Variants in CACNA1E observed in about 807,000 individuals in gnomAD.
CACNA1E encodes the protein calcium voltage-gated channel subunit alpha1 E, also known as voltage-dependent R-type calcium channel subunit alpha-1E.
Under a neutral mutation model 259.2 loss-of-function variants are expected in CACNA1E, and 40 were observed. The ratio of observed to expected loss-of-function variants is 0.15; its 90% CI spans 0.12 to 0.20. The LOEUF (loss-of-function observed/expected upper bound fraction) is 0.20. Among genes scored for constraint, CACNA1E ranks in the 10% least tolerant of loss-of-function variants. CACNA1E has a pLI of 1.00. For missense variants in CACNA1E, 1,874 were observed against 3,040.1 expected (o/e 0.62, Z 9.02); for synonymous variants, 1,104 against 1,138.5 (o/e 0.97, Z 0.61).
At chr1:181,569,973 A>C (rs1424960968) in intron 3 of CACNA1E, among the ~76,000 whole-genome samples, 1 of 152,194 alleles carries the variant, frequency 6.6e-6, no homozygotes, top group Non-Finnish European at 1.5e-5. Flanking sequence ...GTTGAGAGGA[A>C]GGGAGATTGG....
chr1:181,638,952 G>A (rs1572453210), intron 6 of CACNA1E, among the ~76,000 whole-genome samples: 1 of 152,210 alleles, frequency 6.6e-6, no homozygotes, highest in South Asian at 2.1e-4. Flanking sequence ...GCCTTGGGCA[G>A]TTCTTTATAG....
chr1:181,696,535 C>T (rs1309674587), intron 7 of CACNA1E, among the ~76,000 whole-genome samples: 1 of 152,026 alleles, frequency 6.6e-6, no homozygotes, highest in Non-Finnish European at 1.5e-5. Context: ...TACTAGTTTC[C>T]CAGGGAGGAG....
At chr1:181,678,778 C>T (rs1219020866) in intron 7 of CACNA1E, among the ~76,000 whole-genome samples, 1 of 152,234 alleles carries the variant, frequency 6.6e-6, no homozygotes, top group Admixed American at 6.5e-5. Context: ...GTTTCTCCAC[C>T]TGGAAAGTGG....
intron 1 of CACNA1E, among the ~76,000 whole-genome samples, chr1:181,336,827 T>G (rs1157322375): frequency 6.6e-6 from 1 of 152,118 alleles, no homozygotes; most frequent in Admixed American, 6.5e-5. Context: ...ACAGTATTTG[T>G]GCTTTTGTGA....
chr1:181,499,107 C>T (rs867561209), intron 1 of CACNA1E, among the ~76,000 whole-genome samples: 20 of 152,188 alleles, frequency 1.3e-4, no homozygotes, highest in African/African-American at 4.8e-4. Flanking sequence ...TAATATAAAA[C>T]TCAATAGGCA....
rs1572050437 is a variant in CACNA1E, at chr1:181,507,420, TA to T, written c.267-3054del. Among the ~76,000 whole-genome samples, 5 of 152,326 alleles carry T rather than the reference TA, an allele frequency of 3.3e-5. 1 individual carries two copies. The highest frequency in any genetic ancestry group is 6.5e-5 in the Admixed American group (1 of 15,308). On this transcript the variant is annotated intron_variant, in intron 1 of 47. Coordinates refer to ENST00000367573, the MANE Select transcript of CACNA1E (RefSeq NM_001205293.3). ...TTGGACATTCTGGACTAGTTGAGCT[TA>T]AAGGTCCTTATAGGGAGCAATATAC...
At chr1:181,561,672 G>A (rs1362390240) in intron 3 of CACNA1E, among the ~76,000 whole-genome samples, 1 of 152,140 alleles carries the variant, frequency 6.6e-6, no homozygotes, top group Admixed American at 6.6e-5. Flanking sequence ...ATCACAATTT[G>A]TTTATTCACC....
chr1:181,317,735 C>A (rs898114), exon 1 of CACNA1E: 76,873 of 151,184 alleles, frequency 0.51, 20,292 homozygotes, highest in East Asian at 0.81. Context: ...ACAGCGCTAT[C>A]TTCTGCTGTC....
chr1:181,799,157 A>C lies in CACNA1E; in HGVS notation c.*323A>C. The C allele has an allele frequency of 9.1e-6, 2 of 218,872 alleles. No individual in the cohort carries two copies. The highest frequency in any genetic ancestry group is 1.8e-5 in the Non-Finnish European group (2 of 111,076). 13.6% of individuals were successfully genotyped at this position (218,872 alleles called of 1,614,324 possible). On this transcript the variant is annotated 3_prime_UTR_variant, in exon 48 of 48. Transcript: ENST00000367573. ...CCCTTGCCCCTTCCCACTTTTCTAA[A>C]AGCTGTGGAGGGATCTAGCTGGCCT...
At chr1:181,788,344 T>A (rs537486395) in intron 43 of CACNA1E, among the ~76,000 whole-genome samples, 1 of 152,288 alleles carries the variant, frequency 6.6e-6, no homozygotes, top group South Asian at 2.1e-4. Context: ...AGCCATGCAT[T>A]GTTCAGTAGA....
At chr1:181,389,404 A>C (rs1217306867) in intron 1 of CACNA1E, among the ~76,000 whole-genome samples, 2 of 152,140 alleles carry the variant, frequency 1.3e-5, no homozygotes, top group African/African-American at 4.8e-5. Context: ...TGGGCGACTA[A>C]TTTTTTCACA....
intron 1 of CACNA1E, among the ~76,000 whole-genome samples, chr1:181,385,395 G>A (rs1283444099): frequency 1.3e-5 from 2 of 152,206 alleles, no homozygotes; most frequent in South Asian, 2.1e-4. Flanking sequence ...AGCAAGACAG[G>A]TGATGCCTGT....
chr1:181,533,205 C>T (rs764637273), intron 3 of CACNA1E, among the ~76,000 whole-genome samples: 2 of 151,446 alleles, frequency 1.3e-5, no homozygotes, highest in Non-Finnish European at 2.9e-5. Flanking sequence ...GGTGATTGAT[C>T]ATTTGGGGTT....
At chr1:181,725,687 A>G (rs1440967724) in intron 17 of CACNA1E, among the ~76,000 whole-genome samples, 1 of 152,226 alleles carries the variant, frequency 6.6e-6, no homozygotes. Context: ...CCCCTGCTCC[A>G]TCACTTCCAG....
At chr1:181,572,277 GC>G (rs1445877853) in intron 3 of CACNA1E, among the ~76,000 whole-genome samples, 2 of 152,170 alleles carry the variant, frequency 1.3e-5, no homozygotes, top group Non-Finnish European at 2.9e-5. Flanking sequence ...GGTTCTCATT[GC>G]CCAGAGCATT....
At chr1:181,352,052 G>A (rs931220528) in intron 1 of CACNA1E, among the ~76,000 whole-genome samples, 3 of 152,172 alleles carry the variant, frequency 2.0e-5, no homozygotes, top group South Asian at 2.1e-4. Flanking sequence ...AATATGCTCT[G>A]GTAAAATGCT....
chr1:181,683,552 G>A (rs1411691166), intron 7 of CACNA1E, among the ~76,000 whole-genome samples: 1 of 152,158 alleles, frequency 6.6e-6, no homozygotes. Context: ...AGTGACCATA[G>A]TACCCAATAG....
intron 44 of CACNA1E, among the ~76,000 whole-genome samples, chr1:181,792,963 T>C (rs1661458929): frequency 6.6e-6 from 1 of 152,206 alleles, no homozygotes; most frequent in Non-Finnish European, 1.5e-5. Context: ...ATATAAACTA[T>C]CTAATTTTTA....
intron 1 of CACNA1E, among the ~76,000 whole-genome samples, chr1:181,387,187 T>A (rs1170980682): frequency 6.6e-6 from 1 of 152,036 alleles, no homozygotes; most frequent in Non-Finnish European, 1.5e-5. Flanking sequence ...GGTGTTTCTG[T>A]GCTGTGAGTG....
Sources: gnomAD v4.1 joint callset for allele counts (sites outside exome capture counted in the v4.1 genomes callset) on GRCh38, gnomAD v4.1.1 for gene constraint, MANE v1.5 for transcripts, NCBI Gene and HGNC (gene_info 2026-07-23, HGNC 2026-07-21) for gene names.